The following ZNF626 variants were observed in gnomAD, a reference collection of about 807,000 sequenced individuals.
ZNF626 encodes the protein CTC-513N18.7.
Under a neutral mutation model 11.7 loss-of-function variants are expected in ZNF626, and 4 were observed. That is an observed-to-expected ratio of 0.34 (90% CI 0.17 to 0.78). The LOEUF (loss-of-function observed/expected upper bound fraction) is 0.78. Among genes scored for constraint, ZNF626 ranks in the 30% least tolerant of loss-of-function variants. The pLI is 0.57. For synonymous variants in ZNF626, 179 were observed against 198.6 expected (o/e 0.90, Z 0.83); for missense variants, 588 against 587.1 (o/e 1.00, Z -0.01).
chr19:20,657,234 G>C (rs1214239020), intron 1 of ZNF626, among the ~76,000 whole-genome samples: 2 of 152,054 alleles, frequency 1.3e-5, no homozygotes, highest in Admixed American at 1.3e-4. Context: ...AAATTGGCCA[G>C]GCATGGTAAT....
chr19:20,626,402 T>C (rs781807749), intron 3 of ZNF626, among the ~76,000 whole-genome samples: 2 of 152,196 alleles, frequency 1.3e-5, no homozygotes, highest in Non-Finnish European at 2.9e-5. Flanking sequence ...AAAATGTATA[T>C]GAGGTAATTT....
intron 3 of ZNF626, among the ~76,000 whole-genome samples, chr19:20,636,821 G>C (rs1599478590): frequency 6.6e-6 from 1 of 152,216 alleles, no homozygotes; most frequent in East Asian, 1.9e-4. Flanking sequence ...AGGAGTCCAA[G>C]ACCAGCCTGA....
chr19:20,643,920 C>A (rs1013098454), intron 3 of ZNF626, among the ~76,000 whole-genome samples: 1 of 152,138 alleles, frequency 6.6e-6, no homozygotes, highest in Non-Finnish European at 1.5e-5. Flanking sequence ...GAAGGCAGGC[C>A]CTCATTCAGG....
chr19:20,625,866 C>A (rs1250278001), intron 3 of ZNF626, among the ~76,000 whole-genome samples: 3 of 152,082 alleles, frequency 2.0e-5, no homozygotes, highest in African/African-American at 7.2e-5. Flanking sequence ...TGAAGGGCCC[C>A]AGGTGAGCAC....
At chr19:20,649,728 T>C (rs1397844978) in intron 1 of ZNF626, among the ~76,000 whole-genome samples, 1 of 152,240 alleles carries the variant, frequency 6.6e-6, no homozygotes, top group Non-Finnish European at 1.5e-5. Context: ...CTTGGTAATT[T>C]TGGCCCCAAT....
Position 20,641,756 on chromosome 19 carries a change from T to A in ZNF626, c.226+3928A>T, listed in dbSNP as rs1017238101. On this transcript the variant is annotated intron_variant, in intron 3 of 3. Transcript: ENST00000601440. ...TTTTTTATAGAAAGGGGTCTCCATA[T>A]GTTCCCCAGGCTGGTCTCAAACTTC... Among the ~76,000 whole-genome samples, 8 of 151,964 alleles carry A rather than the reference T, an allele frequency of 5.3e-5. 1 individual carries two copies. Among genetic ancestry groups the A allele is most frequent in the Admixed American group, 1.3e-4 (2 of 15,244 alleles).
At chr19:20,657,032 C>T (rs886943683) in intron 1 of ZNF626, among the ~76,000 whole-genome samples, 6 of 152,246 alleles carry the variant, frequency 3.9e-5, no homozygotes, top group Admixed American at 3.9e-4. Flanking sequence ...ATAGCAAAGA[C>T]GTAGACAGGC....
chr19:20,654,947 C>T (rs1371579817), intron 1 of ZNF626, among the ~76,000 whole-genome samples: 1 of 151,836 alleles, frequency 6.6e-6, no homozygotes, highest in African/African-American at 2.4e-5. Flanking sequence ...CCCATCTCTA[C>T]TATAAATACA....
rs1969757127 is a variant in ZNF626, at chr19:20,621,449, T to A, written c.*2841A>T. 1 of 152,194 alleles carries A rather than the reference T, an allele frequency of 6.6e-6. No individual in the cohort carries two copies. 9.4% of individuals were successfully genotyped at this position (152,194 alleles called of 1,614,324 possible). On this transcript the variant is annotated 3_prime_UTR_variant, in exon 4 of 4. Coordinates refer to ENST00000601440, the MANE Select transcript of ZNF626 (RefSeq NM_001076675.3). Reference sequence around the variant, plus strand: ...ATTCTATTTATATTTCTGTATAATTTTTATTATGACCATAAAAATCACCCT... The same window carrying A: ...ATTCTATTTATATTTCTGTATAATTATTATTATGACCATAAAAATCACCCT...
At chr19:20,638,143 C>T (rs1555771092) in intron 3 of ZNF626, among the ~76,000 whole-genome samples, 1 of 151,780 alleles carries the variant, frequency 6.6e-6, no homozygotes, top group Non-Finnish European at 1.5e-5. Flanking sequence ...ATAAATGAGG[C>T]CAGGCGTGGT....
intron 3 of ZNF626, among the ~76,000 whole-genome samples, chr19:20,629,125 C>G (rs575821136): frequency 6.6e-6 from 1 of 152,244 alleles, no homozygotes; most frequent in African/African-American, 2.4e-5. Flanking sequence ...GGGCTCTGTT[C>G]TGTTCCATTG....
rs906686967 is a variant in ZNF626, at chr19:20,647,485, T to C, written c.4-1080A>G. On this transcript the variant is annotated intron_variant, in intron 1 of 3. Transcript: ENST00000601440. ...ACTGTTAACTGCACTAGGACAATGG[T>C]TTTTTTTTTTTTTTTTTTTGAGACG... Among the ~76,000 whole-genome samples the C allele has an allele frequency of 5.9e-5, 3 of 50,878 alleles. No homozygotes were observed. In the Admixed American group the frequency reaches 6.1e-4, roughly 10 times the overall value. 33.4% of individuals were successfully genotyped at this position (50,878 alleles called of 152,430 possible). A position where few individuals can be genotyped will look rare whatever the true frequency, so the allele number is the denominator to read the frequency against.
intron 1 of ZNF626, among the ~76,000 whole-genome samples, chr19:20,659,019 G>A: frequency 6.6e-6 from 1 of 152,112 alleles, no homozygotes; most frequent in East Asian, 1.9e-4. Context: ...CAAAGAGATG[G>A]GGAAAGATGA....
At chr19:20,644,490 A>G (rs1346055332) in intron 3 of ZNF626, among the ~76,000 whole-genome samples, 1 of 152,208 alleles carries the variant, frequency 6.6e-6, no homozygotes, top group African/African-American at 2.4e-5. Flanking sequence ...CTACAAATTC[A>G]GAGGGCATCT....
At chr19:20,634,898 A>G (rs1307832259) in intron 3 of ZNF626, among the ~76,000 whole-genome samples, 15 of 152,258 alleles carry the variant, frequency 9.9e-5, no homozygotes, top group African/African-American at 3.6e-4. Flanking sequence ...TGGTATGAGT[A>G]TAAAAGTGAA....
At chr19:20,647,976 C>T (rs563098825) in intron 1 of ZNF626, among the ~76,000 whole-genome samples, 5 of 151,738 alleles carry the variant, frequency 3.3e-5, no homozygotes, top group Non-Finnish European at 5.9e-5. Flanking sequence ...GTCAGGAGTT[C>T]GAGACCAGCA....
Position 20,633,133 on chromosome 19 carries a change from C to G in ZNF626, c.227-7483G>C, listed in dbSNP as rs573496138. 1.1e-4 allele frequency among the ~76,000 whole-genome samples: 17 copies of G among 152,158 alleles called. 1 individual carries two copies. Among genetic ancestry groups the G allele is most frequent in the African/African-American group, 4.1e-4 (17 of 41,430 alleles). On this transcript the variant is annotated intron_variant, in intron 3 of 3. Transcript: ENST00000601440. ...TGAACCGCAGATACTGCTGCCTGATCGTTCCTCTGGAAGTTTTGTCTCAGA... is the reference window on the plus strand; with the variant it reads ...TGAACCGCAGATACTGCTGCCTGATGGTTCCTCTGGAAGTTTTGTCTCAGA...
In ZNF626 at chr19:20,639,813, G is replaced by A. The variant is rs988327277; in HGVS notation, c.226+5871C>T. On this transcript the variant is annotated intron_variant, in intron 3 of 3. Coordinates refer to ENST00000601440, the MANE Select transcript of ZNF626 (RefSeq NM_001076675.3). ...TCTAATAAAAACTGAATGAAACTAG[G>A]AATTAAAAGCAAAAGTCAAACTGGC... Among the ~76,000 whole-genome samples the A allele has an allele frequency of 2.6e-5, 4 of 152,192 alleles. No homozygotes were observed. In the South Asian group the frequency reaches 6.2e-4, roughly 24 times the overall value.
intron 1 of ZNF626, among the ~76,000 whole-genome samples, chr19:20,648,947 A>C (rs1970115687): frequency 6.6e-6 from 1 of 152,094 alleles, no homozygotes; most frequent in South Asian, 2.1e-4. Context: ...TATTTTTCAG[A>C]CTCTTGACTA....
Sources: allele counts gnomAD v4.1 joint callset (sites outside exome capture counted in the v4.1 genomes callset), GRCh38; gene constraint gnomAD v4.1.1; transcripts MANE v1.5; gene names NCBI Gene and HGNC (gene_info 2026-07-23, HGNC 2026-07-21).